IFT46: variants seen among roughly 807,000 people sequenced by gnomAD.
The protein encoded by IFT46 is intraflagellar transport 46, also known as intraflagellar transport protein 46 homolog.
Under a neutral mutation model 39.6 loss-of-function variants are expected in IFT46, and 19 were observed. That is an observed-to-expected ratio of 0.48 (90% confidence interval 0.33 to 0.70). The LOEUF is 0.70. Among genes scored for constraint, IFT46 ranks in the 30% least tolerant of loss-of-function variants. The probability of loss-of-function intolerance (pLI) is 0.01; values close to 1 mark genes in which losing one functional copy is unlikely to be tolerated. For missense variants in IFT46, 334 were observed against 364.8 expected (o/e 0.92, Z 0.69); for synonymous variants, 117 against 134.8 (o/e 0.87, Z 0.91).
At chr11:118,545,971 T>C (rs1301682480) in intron 9 of IFT46, 118 bp from the exon 10 acceptor site, 1 of 839,410 alleles carries the variant, frequency 1.2e-6, no homozygotes, top group African/African-American at 1.7e-5. Flanking sequence ...GGCTGAAATG[T>C]GTTCCCCTAA....
At chr11:118,567,951 T>C (rs191872432), upstream of IFT46, among the ~76,000 whole-genome samples, 1 of 152,330 alleles carries the variant, frequency 6.6e-6, no homozygotes, top group East Asian at 1.9e-4. Flanking sequence ...GCGCTGAAAA[T>C]AGCAGCCAAA....
At chr11:118,561,310 G>A in intron 2 of IFT46, 2 of 1,097,970 alleles carry the variant, frequency 1.8e-6, no homozygotes, top group South Asian at 2.5e-5. Context: ...CAGATTACAT[G>A]CACTACTTAA....
intron 4 of IFT46, among the ~76,000 whole-genome samples, chr11:118,555,835 A>G (rs148065856): frequency 6.2e-4 from 94 of 152,056 alleles, no homozygotes; most frequent in Non-Finnish European, 1.0e-3. Flanking sequence ...AGGCAGAAGA[A>G]TCACTTGAAC....
In IFT46 at chr11:118,556,940, C is replaced by A. The variant is rs782560628; in HGVS notation, c.151G>T (p.Asp51Tyr). The change falls in exon 4 of 12, where the codon GAT becomes TAT. Residue 51 changes from aspartate (D) to tyrosine (Y), a missense_variant. Transcript: ENST00000264021. ...DSSETDSDSD[D>Y]DDEEHGAPLE... The stretch of plus-strand genomic sequence containing the variant: ...GGGGCTCCATGCTCTTCATCATCAT[C>A]ATCAGAATCAGAATCAGTTTCAGAT... 6.2e-7 allele frequency: 1 copy of A among 1,609,624 alleles called. No homozygotes were observed. Among genetic ancestry groups the A allele is most frequent in the East Asian group, 2.2e-5 (1 of 44,682 alleles).
chr11:118,560,953 G>A, intron 2 of IFT46: 1 of 1,292,616 alleles, frequency 7.7e-7, no homozygotes, highest in Non-Finnish European at 1.1e-6. Context: ...GTGGTGTGAA[G>A]GTTGGCCTGA....
chr11:118,557,624 A>C, intron 3 of IFT46: 3 of 1,252,434 alleles, frequency 2.4e-6, no homozygotes, highest in Non-Finnish European at 3.5e-6. Context: ...ATTTCTCTTC[A>C]TGGAGTATCT....
intron 9 of IFT46, chr11:118,546,104 C>G (rs781967999): frequency 2.8e-6 from 2 of 718,486 alleles, no homozygotes; most frequent in South Asian, 3.0e-5. Context: ...TCCAGTATGA[C>G]TGGTGTCCTT....
upstream of IFT46, among the ~76,000 whole-genome samples, chr11:118,575,189 A>G (rs1404383214): frequency 6.6e-6 from 1 of 152,136 alleles, no homozygotes; most frequent in African/African-American, 2.4e-5. Context: ...CATGTTAGCC[A>G]GGATAGTCTC....
At chr11:118,571,052 T>G (rs907017782) in intron 1 of IFT46, among the ~76,000 whole-genome samples, 9 of 152,162 alleles carry the variant, frequency 5.9e-5, no homozygotes, top group Non-Finnish European at 1.0e-4. Context: ...AATTCCAGAA[T>G]GTTTTAATTA....
At chr11:118,576,201 C>T (rs1938496248), upstream of IFT46, among the ~76,000 whole-genome samples, 2 of 151,724 alleles carry the variant, frequency 1.3e-5, no homozygotes, top group Admixed American at 1.3e-4. Flanking sequence ...GTAGTTAAGT[C>T]TGTGTAGGAG....
In IFT46 at chr11:118,553,676, A is replaced by G. The variant is rs139633739; in HGVS notation, c.483+783T>C. Among the ~76,000 whole-genome samples the G allele has an allele frequency of 1.9e-3, 287 of 152,344 alleles. 3 individuals carry two copies. Among genetic ancestry groups the G allele is most frequent in the African/African-American group, 6.4e-3 (267 of 41,584 alleles). ...CTATGTATATACCCAACAGAATAAC[A>G]ATATATACCTACACAAAAACTTGTA... On this transcript the variant is annotated intron_variant, in intron 7 of 11. Coordinates refer to ENST00000264021, the MANE Select transcript of IFT46 (RefSeq NM_001168618.2).
chr11:118,570,755 A>G (rs142436559), upstream of IFT46, among the ~76,000 whole-genome samples: 2,001 of 152,282 alleles, frequency 0.013, 44 homozygotes, highest in African/African-American at 0.043. Context: ...TAAACTTTTC[A>G]CCATTTTCTT....
upstream of IFT46, among the ~76,000 whole-genome samples, chr11:118,568,693 G>T (rs947812846): frequency 1.3e-5 from 2 of 150,924 alleles, no homozygotes; most frequent in Non-Finnish European, 2.9e-5. Flanking sequence ...TTGAGACAGG[G>T]TCTCACTCTG....
At chr11:118,570,595 G>A (rs2135521654), upstream of IFT46, among the ~76,000 whole-genome samples, 1 of 152,266 alleles carries the variant, frequency 6.6e-6, no homozygotes. Flanking sequence ...TAAGGATGTA[G>A]GATAAAATGA....
At chr11:118,564,855 T>C (rs1555071172) in intron 2 of IFT46, 110 bp downstream of exon 2, 1 of 152,496 alleles carries the variant, frequency 6.6e-6, no homozygotes. Context: ...GCAAGTGAAG[T>C]AAATTGACGC....
intron 9 of IFT46, among the ~76,000 whole-genome samples, chr11:118,549,753 G>A (rs572282234): frequency 6.6e-6 from 1 of 151,328 alleles, no homozygotes; most frequent in Admixed American, 6.6e-5. Context: ...TCGATCTCTT[G>A]ACCTCATGAT....
At chr11:118,573,596 T>C (rs1325758450), upstream of IFT46, 1 of 688,712 alleles carries the variant, frequency 1.5e-6, no homozygotes, top group Non-Finnish European at 2.6e-6. Context: ...TCTGTTCTGT[T>C]CTTTTTTATT....
intron 8 of IFT46, 82 bp from the exon 9 acceptor site, chr11:118,551,934 A>T: frequency 7.4e-7 from 1 of 1,355,506 alleles, no homozygotes; most frequent in African/African-American, 1.4e-5. Flanking sequence ...TCTAGGATGA[A>T]GGAGAGGTCT....
chr11:118,547,887 T>C (rs1455727901), intron 9 of IFT46, among the ~76,000 whole-genome samples: 26 of 150,288 alleles, frequency 1.7e-4, no homozygotes, highest in African/African-American at 3.4e-4. Flanking sequence ...GCTGGGACTA[T>C]AGGCGCCCGC....
Sources: allele counts gnomAD v4.1 joint callset (sites outside exome capture counted in the v4.1 genomes callset), GRCh38; gene constraint gnomAD v4.1.1; transcripts MANE v1.5; gene names NCBI Gene and HGNC (gene_info 2026-07-23, HGNC 2026-07-21).